Variants in CCSER1 observed in about 807,000 individuals in gnomAD.
CCSER1 encodes coiled-coil serine rich protein 1.
In CCSER1, 41 loss-of-function variants were observed where a neutral mutation model predicts 82.0. The observed-to-expected ratio is 0.50, with a 90% CI of 0.39 to 0.65. CCSER1 has a LOEUF of 0.65. Among genes scored for constraint, CCSER1 ranks in the 30% least tolerant of loss-of-function variants. The pLI is 0.00. For synonymous variants in CCSER1, 414 were observed against 383.9 expected (o/e 1.08, Z -0.92); for missense variants, 1,119 against 1,064.2 (o/e 1.05, Z -0.72).
chr4:91,315,912 C>A (rs1333763924), intron 10 of CCSER1, among the ~76,000 whole-genome samples: 3 of 151,944 alleles, frequency 2.0e-5, no homozygotes, highest in Non-Finnish European at 4.4e-5. Flanking sequence ...CCACCCACAT[C>A]TCATCTTGAA....
chr4:91,126,005 A>G (rs1349362112), intron 10 of CCSER1, among the ~76,000 whole-genome samples: 1 of 151,724 alleles, frequency 6.6e-6, no homozygotes, highest in Admixed American at 6.6e-5. Flanking sequence ...GTATATTCCA[A>G]TATACGGACT....
At chr4:90,382,395 G>C (rs1749337177) in intron 3 of CCSER1, among the ~76,000 whole-genome samples, 1 of 151,988 alleles carries the variant, frequency 6.6e-6, no homozygotes, top group Non-Finnish European at 1.5e-5. Context: ...CTAGGAAATA[G>C]AACTCTATAC....
At chr4:90,427,552 A>G (rs1444134758) in intron 4 of CCSER1, among the ~76,000 whole-genome samples, 1 of 151,672 alleles carries the variant, frequency 6.6e-6, no homozygotes, top group African/African-American at 2.4e-5. Flanking sequence ...GAAATTTGTC[A>G]TTCACTATCT....
chr4:90,482,491 T>C (rs946190528), intron 5 of CCSER1, among the ~76,000 whole-genome samples: 5 of 152,226 alleles, frequency 3.3e-5, no homozygotes, highest in African/African-American at 7.2e-5. Flanking sequence ...TCTTTCCTGC[T>C]TTCTCTTGTG....
chr4:91,025,168 A>T (rs2150538202), intron 9 of CCSER1, among the ~76,000 whole-genome samples: 1 of 152,276 alleles, frequency 6.6e-6, no homozygotes, highest in South Asian at 2.1e-4. Flanking sequence ...AATATTTTTC[A>T]GAATATATTT....
At chr4:90,660,182 T>C (rs1730501589) in intron 6 of CCSER1, among the ~76,000 whole-genome samples, 1 of 152,036 alleles carries the variant, frequency 6.6e-6, no homozygotes, top group Non-Finnish European at 1.5e-5. Flanking sequence ...ACACTGGGTA[T>C]CTACCCAAAG....
At chr4:90,177,738 C>T (rs548024681) in intron 1 of CCSER1, among the ~76,000 whole-genome samples, 3 of 152,182 alleles carry the variant, frequency 2.0e-5, no homozygotes, top group Non-Finnish European at 2.9e-5. Flanking sequence ...CTTTCATATG[C>T]GTTTTCCGTG....
At chr4:91,459,104 T>C (rs955669492) in intron 10 of CCSER1, among the ~76,000 whole-genome samples, 2 of 150,722 alleles carry the variant, frequency 1.3e-5, no homozygotes, top group Non-Finnish European at 3.0e-5. Context: ...ATTCTGTGCA[T>C]AAAATGTGAC....
rs548742703 is a variant in CCSER1, at chr4:91,588,275, T to C, written c.2218-10297T>C. 1.1e-4 allele frequency among the ~76,000 whole-genome samples: 16 copies of C among 151,754 alleles called. 1 individual carries two copies. In the South Asian group the frequency reaches 3.3e-3, roughly 31 times the overall value. ...AAGAAAAAAAATAGCCTTAGATTTTTTTTTCACTCTATAGTAAGTGTTTCT... is the reference window on the plus strand; with the variant it reads ...AAGAAAAAAAATAGCCTTAGATTTTCTTTTCACTCTATAGTAAGTGTTTCT... On this transcript the variant is annotated intron_variant, in intron 10 of 10. Transcript: ENST00000509176.
At chr4:90,947,108 T>G (rs1732347269) in intron 9 of CCSER1, among the ~76,000 whole-genome samples, 1 of 152,174 alleles carries the variant, frequency 6.6e-6, no homozygotes, top group African/African-American at 2.4e-5. Flanking sequence ...CATATTTCAT[T>G]GATCAAAACA....
At chr4:91,573,643 C>T (rs577638440) in intron 10 of CCSER1, among the ~76,000 whole-genome samples, 8 of 152,156 alleles carry the variant, frequency 5.3e-5, no homozygotes, top group Admixed American at 2.6e-4. Flanking sequence ...TCCCTGGCTT[C>T]GTGATGCTAC....
chr4:91,114,291 G>T (rs1477987375), intron 10 of CCSER1, among the ~76,000 whole-genome samples: 1 of 152,098 alleles, frequency 6.6e-6, no homozygotes, highest in Non-Finnish European at 1.5e-5. Context: ...TTACTGTAGG[G>T]TGTATTTACT....
chr4:90,131,572 A>T (rs995984449), intron 1 of CCSER1, among the ~76,000 whole-genome samples: 1 of 152,164 alleles, frequency 6.6e-6, no homozygotes, highest in South Asian at 2.1e-4. Flanking sequence ...TTCTTCATAT[A>T]AAATGTGTTG....
intron 6 of CCSER1, among the ~76,000 whole-genome samples, chr4:90,711,661 A>G (rs1450585922): frequency 6.6e-6 from 1 of 151,144 alleles, no homozygotes; most frequent in Non-Finnish European, 1.5e-5. Context: ...TGAACCAACC[A>G]TGCATCCCAG....
At chr4:90,731,525 C>T (rs1339108722) in intron 7 of CCSER1, among the ~76,000 whole-genome samples, 1 of 152,008 alleles carries the variant, frequency 6.6e-6, no homozygotes, top group Admixed American at 6.6e-5. Context: ...AAATATGATT[C>T]ATTAATACAT....
intron 6 of CCSER1, among the ~76,000 whole-genome samples, chr4:90,656,218 C>T (rs1410073974): frequency 6.6e-6 from 1 of 151,728 alleles, no homozygotes; most frequent in South Asian, 2.1e-4. Flanking sequence ...TCTTTATTTC[C>T]ATGTTTTCTC....
At chr4:90,856,960 G>A (rs1764531608) in intron 8 of CCSER1, among the ~76,000 whole-genome samples, 1 of 150,420 alleles carries the variant, frequency 6.6e-6, no homozygotes, top group Admixed American at 6.6e-5. Context: ...AGACTACAAT[G>A]TTTTGGTCTT....
intron 9 of CCSER1, among the ~76,000 whole-genome samples, chr4:91,030,919 A>G (rs1740928957): frequency 6.6e-6 from 1 of 152,140 alleles, no homozygotes; most frequent in South Asian, 2.1e-4. Flanking sequence ...CTGGTTAGTC[A>G]CAGTTTTTAG....
chr4:90,202,202 C>CTTT (rs35938889), intron 1 of CCSER1, among the ~76,000 whole-genome samples: 1 of 137,456 alleles, frequency 7.3e-6, no homozygotes, highest in Non-Finnish European at 1.6e-5. Context: ...GTAAGTAAAA[C>CTTT]TTTTTTTTTT....
Sources: allele counts gnomAD v4.1 joint callset (sites outside exome capture counted in the v4.1 genomes callset), GRCh38; gene constraint gnomAD v4.1.1; transcripts MANE v1.5; gene names NCBI Gene and HGNC (gene_info 2026-07-23, HGNC 2026-07-21).